ROBO1: variants seen among roughly 807,000 people sequenced by gnomAD.
ROBO1 encodes the protein roundabout guidance receptor 1.
ROBO1 carries 149 observed loss-of-function variants against 195.9 expected under a neutral mutation model. The observed-to-expected ratio is 0.76, with a 90% confidence interval of 0.67 to 0.87. ROBO1 has a LOEUF of 0.87. Ranked by LOEUF, ROBO1 falls within the 40% of genes least tolerant of loss-of-function variation. The probability of loss-of-function intolerance (pLI) is 0.00; values close to 1 mark genes in which losing one functional copy is unlikely to be tolerated. For missense variants in ROBO1, 1,933 were observed against 2,068.3 expected, an observed-to-expected ratio of 0.93 and a Z score of 1.27; for synonymous variants, 816 against 733.2, an observed-to-expected ratio of 1.11 and a Z score of -1.82.
intron 5 of ROBO1, among the ~76,000 whole-genome samples, chr3:78,720,952 G>T (rs11919682): frequency 2.0e-5 from 3 of 147,140 alleles, no homozygotes; most frequent in South Asian, 2.1e-4. Context: ...TGTGGGGTTG[G>T]GGGGGGGGCG....
At chr3:78,891,993 T>C (rs1352224088) in intron 4 of ROBO1, among the ~76,000 whole-genome samples, 1 of 152,218 alleles carries the variant, frequency 6.6e-6, no homozygotes, top group Non-Finnish European at 1.5e-5. Context: ...TTCTATTTCT[T>C]GACTTGTGGT....
chr3:78,704,365 C>T (rs750714777), intron 8 of ROBO1, among the ~76,000 whole-genome samples: 1 of 152,010 alleles, frequency 6.6e-6, no homozygotes, highest in African/African-American at 2.4e-5. Flanking sequence ...GGATCTCACA[C>T]AAAGATCTCA....
chr3:79,124,347 C>T (rs2080175575), intron 3 of ROBO1, among the ~76,000 whole-genome samples: 1 of 152,022 alleles, frequency 6.6e-6, no homozygotes, highest in African/African-American at 2.4e-5. Context: ...ATTAACTGTA[C>T]TACTTATTTC....
intron 1 of ROBO1, among the ~76,000 whole-genome samples, chr3:79,651,756 A>T (rs975002660): frequency 3.9e-5 from 6 of 152,142 alleles, no homozygotes; most frequent in Non-Finnish European, 7.4e-5. Context: ...ATTTGGTGCC[A>T]AAAAGTATTA....
chr3:78,723,628 A>G (rs2082094440), intron 5 of ROBO1, among the ~76,000 whole-genome samples: 1 of 152,078 alleles, frequency 6.6e-6, no homozygotes. Context: ...GTCTGCAGAC[A>G]TATTTTGTTG....
intron 10 of ROBO1, among the ~76,000 whole-genome samples, chr3:78,674,887 C>T (rs544020363): frequency 1.3e-5 from 2 of 151,996 alleles, no homozygotes; most frequent in Admixed American, 1.3e-4. Context: ...ATGTGTGTAT[C>T]ACTCTATGTT....
intron 2 of ROBO1, among the ~76,000 whole-genome samples, chr3:79,480,817 A>G (rs571054826): frequency 2.1e-4 from 32 of 152,240 alleles, no homozygotes; most frequent in Non-Finnish European, 3.2e-4. Flanking sequence ...TCATGGGACT[A>G]TGGTTCGTTT....
At chr3:78,748,186 C>T (rs2082703421) in intron 4 of ROBO1, among the ~76,000 whole-genome samples, 1 of 152,136 alleles carries the variant, frequency 6.6e-6, no homozygotes, top group Non-Finnish European at 1.5e-5. Context: ...TGGCTTACGC[C>T]TATAATCCCA....
Position 79,589,833 on chromosome 3 carries a change from G to T in ROBO1, c.79C>A (p.Leu27Ile). Residue 27 changes from leucine to isoleucine, a missense_variant, in exon 2 of 31, where the codon CTT becomes ATT. By Grantham distance (5) the Leu-to-Ile change is conservative (BLOSUM62 2). Around this residue, in one of 3 missense-constraint regions of ROBO1, gnomAD observed 185 missense variants for 159.5 expected, o/e 1.16. Coordinates refer to ENST00000464233, the MANE Select transcript of ROBO1 (RefSeq NM_002941.4). The stretch of plus-strand genomic sequence containing the variant: ...AATGCACAGCACTTACCTGGAATAA[G>T]CTGGGCCAGAAACAGGTGATTTGGG... ...LSPNHLFLAQ[L>I]IPDPEDVERG... 6.2e-7 allele frequency: 1 copy of T among 1,610,388 alleles called. No individual in the cohort carries two copies.
intron 5 of ROBO1, among the ~76,000 whole-genome samples, chr3:78,728,440 T>A (rs986948363): frequency 1.1e-4 from 9 of 83,802 alleles, no homozygotes; most frequent in Non-Finnish European, 6.9e-5. Context: ...TAAGATTTTG[T>A]TTTTTCTTCT....
chr3:79,705,446 G>T (rs919108437), intron 1 of ROBO1, among the ~76,000 whole-genome samples: 7 of 151,886 alleles, frequency 4.6e-5, no homozygotes, highest in Non-Finnish European at 1.0e-4. Flanking sequence ...TTTCTCCATT[G>T]TATTGTCATT....
At chr3:78,637,789 A>G (rs1676743691) in intron 22 of ROBO1, among the ~76,000 whole-genome samples, 1 of 152,102 alleles carries the variant, frequency 6.6e-6, no homozygotes, top group Non-Finnish European at 1.5e-5. Flanking sequence ...CGTCCAGTGG[A>G]CACTCAGGAT....
At chr3:79,338,586 C>CGGAT (rs1326126938) in intron 2 of ROBO1, among the ~76,000 whole-genome samples, 2 of 152,152 alleles carry the variant, frequency 1.3e-5, no homozygotes, top group African/African-American at 4.8e-5. Flanking sequence ...GAGGTTTCAC[C>CGGAT]ATCCCTCCCT....
At chr3:79,695,992 G>A (rs976929722) in intron 1 of ROBO1, among the ~76,000 whole-genome samples, 2 of 151,314 alleles carry the variant, frequency 1.3e-5, no homozygotes, top group Non-Finnish European at 3.0e-5. Context: ...CTTGGGGAGG[G>A]GGTTCTGTGT....
intron 1 of ROBO1, among the ~76,000 whole-genome samples, chr3:79,718,771 G>C (rs1702587808): frequency 6.6e-6 from 1 of 151,942 alleles, no homozygotes; most frequent in African/African-American, 2.4e-5. Context: ...AGAACATGTG[G>C]CATTTCCCTT....
intron 1 of ROBO1, among the ~76,000 whole-genome samples, chr3:79,751,940 T>C (rs968764381): frequency 3.3e-5 from 5 of 152,152 alleles, no homozygotes; most frequent in African/African-American, 9.7e-5. Context: ...AGGAAACCAG[T>C]CATCCATTCA....
At chr3:79,668,665 TAC>T (rs112377466) in intron 1 of ROBO1, among the ~76,000 whole-genome samples, 4 of 150,956 alleles carry the variant, frequency 2.6e-5, no homozygotes, top group Non-Finnish European at 3.0e-5. Context: ...CTAAGCAATT[TAC>T]ACACACACAC....
At chr3:79,302,998 G>A (rs951656995) in intron 2 of ROBO1, among the ~76,000 whole-genome samples, 1 of 151,894 alleles carries the variant, frequency 6.6e-6, no homozygotes, top group Non-Finnish European at 1.5e-5. Context: ...AACCAAGAAA[G>A]TACATAGCTC....
At chr3:78,757,261 C>CA (rs1452595062) in intron 4 of ROBO1, among the ~76,000 whole-genome samples, 2 of 152,184 alleles carry the variant, frequency 1.3e-5, no homozygotes, top group Non-Finnish European at 2.9e-5. Context: ...CAAATGAGGA[C>CA]ACATAGGTGA....
Sources: gnomAD v4.1 joint callset for allele counts (sites outside exome capture counted in the v4.1 genomes callset) on GRCh38, gnomAD v4.1.1 for gene constraint, gnomAD v4.1.1 regional missense constraint, MANE v1.5 for transcripts, NCBI Gene and HGNC (gene_info 2026-07-23, HGNC 2026-07-21) for gene names.